Variants in GRIN2A observed in about 807,000 individuals in gnomAD.
GRIN2A encodes the protein glutamate ionotropic receptor NMDA type subunit 2A.
GRIN2A carries 22 observed loss-of-function variants against 113.4 expected under a neutral mutation model. The ratio of observed to expected loss-of-function variants is 0.19; its 90% CI spans 0.14 to 0.28. The LOEUF is 0.28. Ranked by LOEUF, GRIN2A falls within the 10% of genes least tolerant of loss-of-function variation. GRIN2A has a pLI of 1.00. For missense variants in GRIN2A, 1,502 were observed against 1,887.0 expected (o/e 0.80, Z 3.78); for synonymous variants, 827 against 738.4 (o/e 1.12, Z -1.94).
At chr16:9,904,425 G>A (rs1057045783) in intron 3 of GRIN2A, among the ~76,000 whole-genome samples, 5 of 152,032 alleles carry the variant, frequency 3.3e-5, no homozygotes, top group Admixed American at 2.0e-4. Context: ...AGCCTGGAGT[G>A]CAGCAGCGTG....
At position 9,824,887 on chromosome 16, in the gene GRIN2A, G is replaced by T. The variant is rs79042360; in HGVS notation, c.2008-2463C>A. On this transcript the variant is annotated intron_variant, in intron 9 of 12. Coordinates refer to ENST00000330684, the MANE Select transcript of GRIN2A (RefSeq NM_001134407.3). Reference sequence around the variant, plus strand: ...GAAAAACAGTGAGGGGGCAAGGATGGCTCATCTATTAAGTCCCAGGGTCTA... The same window carrying T: ...GAAAAACAGTGAGGGGGCAAGGATGTCTCATCTATTAAGTCCCAGGGTCTA... Among the ~76,000 whole-genome samples the T allele has an allele frequency of 3.2e-4, 49 of 152,202 alleles. No homozygotes were observed. The East Asian group carries it at 6.8e-3, about 21-fold the overall frequency.
chr16:9,807,924 T>A (rs764823765), intron 10 of GRIN2A, among the ~76,000 whole-genome samples: 2 of 152,242 alleles, frequency 1.3e-5, no homozygotes, highest in Admixed American at 6.5e-5. Context: ...GTCCCAGCCA[T>A]GAATTTGTTT....
At position 10,132,864 on chromosome 16, in the gene GRIN2A, T is replaced by A. The variant is rs540375597; in HGVS notation, c.414+47134A>T. ...AGTGATGTAAAATGTATTAAAGTCC[T>A]GGAGGTCAGAAACCTAAAATGGACC... On this transcript the variant is annotated intron_variant, in intron 2 of 12. Coordinates refer to ENST00000330684, the MANE Select transcript of GRIN2A (RefSeq NM_001134407.3). 2.0e-5 allele frequency among the ~76,000 whole-genome samples: 3 copies of A among 152,366 alleles called. No individual in the cohort carries two copies. In the South Asian group the frequency reaches 6.2e-4, roughly 32 times the overall value.
At chr16:10,179,893 C>CCCCAAAAAAA in intron 2 of GRIN2A, 105 bp downstream of exon 2, 1 of 719,816 alleles carries the variant, frequency 1.4e-6, no homozygotes, top group Non-Finnish European at 2.4e-6. Flanking sequence ...CCCCCACCCC[C>CCCCAAAAAAA]ACTTCACATC....
chr16:10,002,310 A>G (rs2046334060), intron 2 of GRIN2A, among the ~76,000 whole-genome samples: 1 of 152,254 alleles, frequency 6.6e-6, no homozygotes, highest in African/African-American at 2.4e-5. Flanking sequence ...GAGAAACAGA[A>G]TAATCAAAAT....
intron 11 of GRIN2A, among the ~76,000 whole-genome samples, chr16:9,773,146 G>A (rs189901990): frequency 7.8e-4 from 119 of 152,142 alleles, no homozygotes; most frequent in African/African-American, 2.7e-3. Context: ...GATATTTTTC[G>A]TGGCCTGCAG....
rs143344546 is a variant in GRIN2A at position 9,805,082 on chromosome 16, A to G, written c.2169-6618T>C. Among the ~76,000 whole-genome samples the G allele has an allele frequency of 1.3e-3, 192 of 152,140 alleles. 1 individual carries two copies. Among genetic ancestry groups the G allele is most frequent in the African/African-American group, 4.4e-3 (181 of 41,516 alleles). On this transcript the variant is annotated intron_variant, in intron 10 of 12. Transcript: ENST00000330684. The stretch of plus-strand genomic sequence containing the variant: ...AGTGGGTCTCTCTTATACCTGCACA[A>G]TGGCCTTGAAAGTCCAATCCTAGCC...
At chr16:10,136,537 AG>A (rs2049194592) in intron 2 of GRIN2A, among the ~76,000 whole-genome samples, 1 of 152,056 alleles carries the variant, frequency 6.6e-6, no homozygotes, top group South Asian at 2.1e-4. Context: ...TAAAGGTTAA[AG>A]ATACTGATTA....
intron 9 of GRIN2A, among the ~76,000 whole-genome samples, chr16:9,823,885 G>A (rs1432054091): frequency 6.6e-6 from 1 of 152,094 alleles, no homozygotes; most frequent in East Asian, 1.9e-4. Context: ...AAGATTTAAA[G>A]ACCCCAGGAG....
chr16:10,099,481 A>ACC (rs55716830), intron 2 of GRIN2A, among the ~76,000 whole-genome samples: 61,574 of 151,774 alleles, frequency 0.41, 12,611 homozygotes, highest in East Asian at 0.46. Flanking sequence ...CCTCCCTTGC[A>ACC]CCCCCTTCCT....
chr16:9,875,055 G>A (rs543827111), intron 4 of GRIN2A, among the ~76,000 whole-genome samples: 67 of 143,318 alleles, frequency 4.7e-4, no homozygotes, highest in East Asian at 8.9e-4. Context: ...GGAGTGCAGC[G>A]GCATGAACAT....
chr16:10,154,479 C>T (rs1382001394), intron 2 of GRIN2A, among the ~76,000 whole-genome samples: 1 of 152,130 alleles, frequency 6.6e-6, no homozygotes, highest in African/African-American at 2.4e-5. Context: ...TTGTCCCCAT[C>T]CCCTGGAATA....
At chr16:10,061,697 T>C (rs189338167) in intron 2 of GRIN2A, among the ~76,000 whole-genome samples, 11 of 152,288 alleles carry the variant, frequency 7.2e-5, no homozygotes, top group African/African-American at 2.2e-4. Context: ...AGGTTAGTAG[T>C]GGCAAAGGCA....
At chr16:9,998,415 T>G (rs1002487350) in intron 2 of GRIN2A, among the ~76,000 whole-genome samples, 9 of 152,212 alleles carry the variant, frequency 5.9e-5, no homozygotes, top group African/African-American at 1.9e-4. Context: ...TGTGAATACT[T>G]AATAGATACA....
At chr16:10,065,734 G>C (rs1343787878) in intron 2 of GRIN2A, among the ~76,000 whole-genome samples, 5 of 152,168 alleles carry the variant, frequency 3.3e-5, no homozygotes. Flanking sequence ...TGAATGCTAA[G>C]CTGGAAGAGG....
chr16:9,965,111 T>C (rs948236928), intron 2 of GRIN2A, among the ~76,000 whole-genome samples: 4 of 152,204 alleles, frequency 2.6e-5, no homozygotes, highest in African/African-American at 9.7e-5. Flanking sequence ...TGTACAAACC[T>C]AGAGTTTCCA....
intron 2 of GRIN2A, among the ~76,000 whole-genome samples, chr16:10,094,506 A>G (rs922578979): frequency 7.2e-5 from 11 of 151,900 alleles, no homozygotes; most frequent in African/African-American, 2.7e-4. Flanking sequence ...CTGGGGTGCA[A>G]TGGCACAATC....
intron 9 of GRIN2A, 49 bp from the exon 10 acceptor site, chr16:9,822,473 A>T (rs1295854892): frequency 3.2e-6 from 4 of 1,243,242 alleles, no homozygotes; most frequent in Non-Finnish European, 4.7e-6. Context: ...AAGAAAGAGA[A>T]GGGAGGAGGG....
At chr16:10,153,445 T>A (rs976313040) in intron 2 of GRIN2A, among the ~76,000 whole-genome samples, 2 of 152,162 alleles carry the variant, frequency 1.3e-5, no homozygotes, top group Non-Finnish European at 2.9e-5. Flanking sequence ...TGGACAGTGA[T>A]GAAGTCATTT....
Sources: allele counts gnomAD v4.1 joint callset (sites outside exome capture counted in the v4.1 genomes callset), GRCh38; gene constraint gnomAD v4.1.1; transcripts MANE v1.5; gene names NCBI Gene and HGNC (gene_info 2026-07-23, HGNC 2026-07-21).